TENM2: variants seen among roughly 807,000 people sequenced by gnomAD.
TENM2 encodes teneurin transmembrane protein 2, also known as teneurin-2.
A neutral mutation model predicts 245.2 loss-of-function variants in TENM2; 52 were observed. The ratio of observed to expected loss-of-function variants is 0.21; its 90% CI spans 0.17 to 0.27. TENM2 has a LOEUF of 0.27. TENM2 is among the 10% of genes least tolerant of loss of function. The probability of loss-of-function intolerance (pLI) is 1.00; values close to 1 mark genes in which losing one functional copy is unlikely to be tolerated. For missense variants in TENM2, 3,046 were observed against 3,666.8 expected, an observed-to-expected ratio of 0.83 and a Z score of 4.37; for synonymous variants, 1,363 against 1,438.9, an observed-to-expected ratio of 0.95 and a Z score of 1.19.
chr5:167,192,899 A>C, the TENM2 span, among the ~76,000 whole-genome samples: 1 of 152,056 alleles, frequency 6.6e-6, no homozygotes, highest in Non-Finnish European at 1.5e-5. Flanking sequence ...AGAAGGGAAA[A>C]GATATTGCAG....
chr5:167,925,927 G>A (rs1485924380), intron 3 of TENM2, among the ~76,000 whole-genome samples: 3 of 152,138 alleles, frequency 2.0e-5, no homozygotes, highest in Admixed American at 2.0e-4. Context: ...CACAACGAAG[G>A]AAACAACAGA....
chr5:167,597,973 T>C (rs545924256), intron 2 of TENM2, among the ~76,000 whole-genome samples: 2 of 152,138 alleles, frequency 1.3e-5, no homozygotes, highest in Middle Eastern at 6.3e-3. Flanking sequence ...TGAACAAACC[T>C]GTGAATAACA....
chr5:167,316,668 A>C (rs1756382576), intron 1 of TENM2, among the ~76,000 whole-genome samples: 1 of 152,164 alleles, frequency 6.6e-6, no homozygotes, highest in African/African-American at 2.4e-5. Context: ...TATTAAGTTC[A>C]CTTTAGTAAA....
At chr5:168,013,449 C>T (rs1004758151) in intron 5 of TENM2, among the ~76,000 whole-genome samples, 1 of 152,000 alleles carries the variant, frequency 6.6e-6, no homozygotes, top group African/African-American at 2.4e-5. Context: ...ACTAAATATA[C>T]AAAAATTAGC....
At chr5:167,445,371 T>TGTGAGA (rs1554154270) in intron 2 of TENM2, among the ~76,000 whole-genome samples, 4 of 81,636 alleles carry the variant, frequency 4.9e-5, no homozygotes, top group African/African-American at 2.5e-4. Flanking sequence ...AGAGAGAGAG[T>TGTGAGA]GTCAGGTGTT....
chr5:167,802,296 C>A (rs1025171861), intron 2 of TENM2, among the ~76,000 whole-genome samples: 8 of 152,108 alleles, frequency 5.3e-5, no homozygotes, highest in African/African-American at 1.9e-4. Flanking sequence ...AACCTTTGAA[C>A]CCTCAATGTG....
At chr5:167,856,195 GC>G (rs1462276695) in intron 2 of TENM2, among the ~76,000 whole-genome samples, 1 of 151,996 alleles carries the variant, frequency 6.6e-6, no homozygotes, top group African/African-American at 2.4e-5. Context: ...GAACACAGAG[GC>G]CACCATTCCC....
intron 3 of TENM2, among the ~76,000 whole-genome samples, chr5:167,916,407 G>T (rs998193887): frequency 1.3e-5 from 2 of 151,938 alleles, no homozygotes; most frequent in African/African-American, 2.4e-5. Context: ...AAATCAGATC[G>T]GTGAGAAGCA....
the TENM2 span, among the ~76,000 whole-genome samples, chr5:167,240,684 C>T: frequency 6.6e-6 from 1 of 152,186 alleles, no homozygotes; most frequent in African/African-American, 2.4e-5. Context: ...TTATCCTATG[C>T]TTGGCTTTAC....
chr5:168,206,827 G>A (rs149396715), intron 19 of TENM2, among the ~76,000 whole-genome samples: 3 of 152,276 alleles, frequency 2.0e-5, no homozygotes, highest in Admixed American at 1.3e-4. Flanking sequence ...AAAAAGGGTG[G>A]AAATATTTCA....
the TENM2 span, among the ~76,000 whole-genome samples, chr5:167,179,267 A>G: frequency 6.6e-6 from 1 of 152,182 alleles, no homozygotes; most frequent in Non-Finnish European, 1.5e-5. Flanking sequence ...TACGATGCAG[A>G]ATTAAGGGGG....
chr5:167,682,830 T>G (rs1756824972), intron 2 of TENM2, among the ~76,000 whole-genome samples: 5 of 152,126 alleles, frequency 3.3e-5, no homozygotes, highest in Admixed American at 3.3e-4. Context: ...CAGCAAGACT[T>G]ATGGTATTAG....
chr5:167,751,828 C>G (rs1021050859), intron 2 of TENM2, among the ~76,000 whole-genome samples: 1 of 151,750 alleles, frequency 6.6e-6, no homozygotes, highest in African/African-American at 2.4e-5. Flanking sequence ...ATATGTAATT[C>G]CCTTTTAGAC....
intron 2 of TENM2, among the ~76,000 whole-genome samples, chr5:167,832,988 AT>A (rs1768641670): frequency 1.3e-5 from 2 of 152,130 alleles, no homozygotes; most frequent in South Asian, 4.1e-4. Context: ...CCACAAAATC[AT>A]TCAGAGTGGT....
At chr5:167,370,742 T>C (rs1760366983) in intron 1 of TENM2, among the ~76,000 whole-genome samples, 1 of 152,216 alleles carries the variant, frequency 6.6e-6, no homozygotes, top group African/African-American at 2.4e-5. Context: ...AGATAGAAGA[T>C]AAATAATACA....
Position 167,565,282 on chromosome 5 carries a change from A to G in TENM2, c.502+189809A>G, listed in dbSNP as rs77064285. ...GGGATAGGTTTCTTTTATTGCCAAT[A>G]ATTATTCAACGAGTTTTCTGTACAA... On this transcript the variant is annotated intron_variant, in intron 2 of 28. Transcript: ENST00000518659. Among the ~76,000 whole-genome samples the G allele has an allele frequency of 4.2e-3, 640 of 152,308 alleles. 3 individuals are homozygous for G. Among genetic ancestry groups the G allele is most frequent in the Non-Finnish European group, 7.4e-3 (506 of 68,034 alleles).
chr5:168,258,087 G>C (rs1767840843), intron 27 of TENM2, among the ~76,000 whole-genome samples: 1 of 152,118 alleles, frequency 6.6e-6, no homozygotes, highest in Non-Finnish European at 1.5e-5. Context: ...TAAAAGTAAA[G>C]GATTTAGCTG....
the TENM2 span, among the ~76,000 whole-genome samples, chr5:167,184,363 A>G: frequency 6.6e-6 from 1 of 152,244 alleles, no homozygotes; most frequent in African/African-American, 2.4e-5. Flanking sequence ...TAGCATTTAT[A>G]GAGGACCTTA....
At chr5:167,834,035 A>C (rs910470428) in intron 2 of TENM2, among the ~76,000 whole-genome samples, 9 of 152,236 alleles carry the variant, frequency 5.9e-5, no homozygotes, top group African/African-American at 1.9e-4. Context: ...ATACAGTGGC[A>C]AACTTGTCAG....
Sources: gnomAD v4.1 joint callset for allele counts (sites outside exome capture counted in the v4.1 genomes callset) on GRCh38, gnomAD v4.1.1 for gene constraint, MANE v1.5 for transcripts, NCBI Gene and HGNC (gene_info 2026-07-23, HGNC 2026-07-21) for gene names.